Variants in ARL13B observed in about 807,000 individuals in gnomAD.
ARL13B encodes ADP-ribosylation factor-like protein 13B.
A neutral mutation model predicts 56.1 loss-of-function variants in ARL13B; 36 were observed. The observed-to-expected ratio is 0.64, with a 90% confidence interval of 0.49 to 0.85. ARL13B has a LOEUF of 0.85. Among genes scored for constraint, ARL13B ranks in the 40% least tolerant of loss-of-function variants. ARL13B has a pLI of 0.00. For missense variants in ARL13B, 519 were observed against 507.1 expected, an observed-to-expected ratio of 1.02 and a Z score of -0.23; for synonymous variants, 178 against 171.1, an observed-to-expected ratio of 1.04 and a Z score of -0.32.
intron 7 of ARL13B, among the ~76,000 whole-genome samples, chr3:94,044,148 G>A (rs907798435): frequency 2.7e-5 from 4 of 150,444 alleles, no homozygotes; most frequent in Admixed American, 6.6e-5. Flanking sequence ...CCCTCTGCCC[G>A]GCTGCCCCAT....
chr3:94,036,895 A>T (rs1482113517), intron 5 of ARL13B, 141 bp downstream of exon 5: 2 of 1,005,284 alleles, frequency 2.0e-6, no homozygotes, highest in Admixed American at 4.9e-5. Context: ...ATTTCTGTGG[A>T]TCTTTTTCTG....
intron 1 of ARL13B, among the ~76,000 whole-genome samples, chr3:93,985,622 GATATAAT>G (rs1710423998): frequency 6.6e-6 from 1 of 152,014 alleles, no homozygotes; most frequent in Non-Finnish European, 1.5e-5. Context: ...CAAAAAGAAA[GATATAAT>G]AAGTACCATA....
intron 5 of ARL13B, among the ~76,000 whole-genome samples, chr3:94,037,008 CTGAT>C (rs2076780976): frequency 1.3e-5 from 2 of 152,090 alleles, no homozygotes; most frequent in Non-Finnish European, 2.9e-5. Context: ...ATTTTTGTCT[CTGAT>C]TGCTTGTGGG....
intron 2 of ARL13B, chr3:93,996,641 G>A (rs1305753870): frequency 2.3e-6 from 1 of 437,400 alleles, no homozygotes. Context: ...GCCTCCAAGA[G>A]TGCTGGGATT....
chr3:94,044,734 T>C (rs904414582), intron 7 of ARL13B, among the ~76,000 whole-genome samples: 7 of 136,488 alleles, frequency 5.1e-5, no homozygotes, highest in Admixed American at 2.9e-4. Context: ...CCACCCATCG[T>C]CTGGGAGGTG....
At chr3:94,030,293 C>T (rs1315935888) in intron 3 of ARL13B, among the ~76,000 whole-genome samples, 1 of 151,996 alleles carries the variant, frequency 6.6e-6, no homozygotes, top group Non-Finnish European at 1.5e-5. Flanking sequence ...GTGGCGCGAT[C>T]TCGGCTCACT....
Position 94,049,518 on chromosome 3 carries a change from T to G in ARL13B, c.1137T>G (p.Pro379=), listed in dbSNP as rs1325555759. Residue 379 remains proline, a synonymous_variant, in exon 8 of 10, where the codon CCT becomes CCG. Transcript: ENST00000394222. ...GTCCAACGCCACCCCCACCCCCTCC[T>G]CCTGGTGAGTAAATTGATACTGATA... ...PESPTPPPPP[P]PVGWGTPKVT... 10 of 1,110,562 alleles carry G rather than the reference T, an allele frequency of 9.0e-6. No individual in the cohort carries two copies. The highest frequency in any genetic ancestry group is 1.1e-5 in the Non-Finnish European group (9 of 797,810). The allele number at this position is 1,110,562 out of a possible 1,614,324, so 68.8% of individuals were successfully genotyped here. A position where few individuals can be genotyped will look rare whatever the true frequency, so the allele number is the denominator to read the frequency against.
At chr3:94,037,539 C>G (rs2076790354) in intron 5 of ARL13B, among the ~76,000 whole-genome samples, 1 of 152,138 alleles carries the variant, frequency 6.6e-6, no homozygotes, top group African/African-American at 2.4e-5. Flanking sequence ...TGCCTTTCAT[C>G]TAGGGATCTC....
intron 3 of ARL13B, among the ~76,000 whole-genome samples, chr3:94,024,970 T>C (rs948936093): frequency 3.9e-5 from 6 of 152,176 alleles, no homozygotes; most frequent in African/African-American, 1.4e-4. Flanking sequence ...AGAAATAGAC[T>C]ATTTCAAATT....
intron 3 of ARL13B, among the ~76,000 whole-genome samples, chr3:94,018,118 G>A (rs1276469613): frequency 6.6e-6 from 1 of 152,114 alleles, no homozygotes. Flanking sequence ...GGCCGGTCTT[G>A]AACTCCTGGG....
rs113356170 is a variant in ARL13B at position 94,022,146 on chromosome 3, A to C, written c.381-13185A>C. On this transcript the variant is annotated intron_variant, in intron 3 of 9. Transcript: ENST00000394222. ...TATTTTATTTTATTTTTTTTGAGAC[A>C]GAGTTTCGCTGTTGTCACCCAGGCT... Among the ~76,000 whole-genome samples, 141 of 152,002 alleles carry C rather than the reference A, an allele frequency of 9.3e-4. No homozygotes were observed. The Middle Eastern group carries it at 0.014, about 15-fold the overall frequency.
At chr3:93,986,028 C>T (rs532428153) in intron 1 of ARL13B, among the ~76,000 whole-genome samples, 1 of 152,230 alleles carries the variant, frequency 6.6e-6, no homozygotes, top group South Asian at 2.1e-4. Context: ...ATAGAAATTG[C>T]TGAGTTCTTA....
intron 3 of ARL13B, among the ~76,000 whole-genome samples, chr3:94,026,638 A>G (rs1324446933): frequency 6.6e-6 from 1 of 152,338 alleles, no homozygotes; most frequent in East Asian, 1.9e-4. Context: ...TCATATAAGC[A>G]TAAAATATGA....
intron 1 of ARL13B, among the ~76,000 whole-genome samples, chr3:93,986,260 G>C (rs745674043): frequency 6.6e-6 from 1 of 152,038 alleles, no homozygotes; most frequent in Non-Finnish European, 1.5e-5. Context: ...GACTTGATCA[G>C]GGCTTAAAAG....
intron 3 of ARL13B, among the ~76,000 whole-genome samples, chr3:94,027,022 T>C (rs2076571788): frequency 6.6e-6 from 1 of 152,162 alleles, no homozygotes; most frequent in Non-Finnish European, 1.5e-5. Flanking sequence ...AATTACCTTG[T>C]ACTTTTAGAA....
chr3:94,036,121 C>T (rs772036654), intron 4 of ARL13B, among the ~76,000 whole-genome samples: 32 of 152,062 alleles, frequency 2.1e-4, no homozygotes, highest in Non-Finnish European at 4.4e-4. Context: ...AGATGTCATA[C>T]AGTCTTAAGG....
chr3:94,030,598 C>G (rs947258791), intron 3 of ARL13B, among the ~76,000 whole-genome samples: 3 of 151,822 alleles, frequency 2.0e-5, no homozygotes, highest in African/African-American at 7.3e-5. Flanking sequence ...TGCAAAAGCA[C>G]CTAGAAAGAA....
At chr3:94,040,624 G>A (rs2076845280) in intron 6 of ARL13B, among the ~76,000 whole-genome samples, 1 of 150,180 alleles carries the variant, frequency 6.7e-6, no homozygotes, top group East Asian at 1.9e-4. Flanking sequence ...TGGCAGCAGC[G>A]ATGCCTCTTC....
chr3:94,044,189 G>A (rs2076930617), intron 7 of ARL13B, among the ~76,000 whole-genome samples: 1 of 151,120 alleles, frequency 6.6e-6, no homozygotes, highest in Non-Finnish European at 1.5e-5. Context: ...CTGCCTGGCT[G>A]CCACCCTGTC....
Sources: gnomAD v4.1 joint callset for allele counts (sites outside exome capture counted in the v4.1 genomes callset) on GRCh38, gnomAD v4.1.1 for gene constraint, MANE v1.5 for transcripts, NCBI Gene and HGNC (gene_info 2026-07-23, HGNC 2026-07-21) for gene names.